The following CADPS2 variants were observed in gnomAD, a reference collection of about 807,000 sequenced individuals.
CADPS2 encodes the protein calcium-dependent secretion activator 2.
Under a neutral mutation model 172.5 loss-of-function variants are expected in CADPS2, and 93 were observed. The ratio of observed to expected loss-of-function variants is 0.54; its 90% CI spans 0.46 to 0.64. The LOEUF (loss-of-function observed/expected upper bound fraction) is 0.64, where lower values mean the gene tolerates loss of function less well. CADPS2 is among the 30% of genes least tolerant of loss of function. CADPS2 has a pLI of 0.00. For missense variants in CADPS2, 1,420 were observed against 1,565.9 expected (o/e 0.91, Z 1.57); for synonymous variants, 546 against 555.2 (o/e 0.98, Z 0.23).
intron 8 of CADPS2, among the ~76,000 whole-genome samples, chr7:122,532,289 T>G (rs977490776): frequency 3.3e-5 from 5 of 152,150 alleles, no homozygotes; most frequent in African/African-American, 1.2e-4. Context: ...AAAATTACCT[T>G]AAGTCTTCAG....
chr7:122,334,835 T>C (rs982054647), intron 28 of CADPS2, among the ~76,000 whole-genome samples: 1 of 152,212 alleles, frequency 6.6e-6, no homozygotes, highest in Non-Finnish European at 1.5e-5. Flanking sequence ...TAAAACATTT[T>C]ATGTGGAAAT....
intron 9 of CADPS2, among the ~76,000 whole-genome samples, chr7:122,502,831 G>A (rs1259236144): frequency 6.6e-6 from 1 of 151,812 alleles, no homozygotes; most frequent in Admixed American, 6.6e-5. Flanking sequence ...CTTTAAATAT[G>A]TTCAGCAATG....
chr7:122,388,820 A>G, intron 22 of CADPS2, 82 bp from the exon 23 acceptor site: 1 of 1,215,692 alleles, frequency 8.2e-7, no homozygotes, highest in Non-Finnish European at 1.1e-6. Flanking sequence ...TCTTTTCTGC[A>G]TCAATTGCCA....
chr7:122,348,339 C>T (rs1271682896), intron 27 of CADPS2, among the ~76,000 whole-genome samples: 4 of 152,124 alleles, frequency 2.6e-5, no homozygotes, highest in African/African-American at 4.8e-5. Flanking sequence ...TTATTTTCCA[C>T]CACCTGAAAC....
intron 1 of CADPS2, among the ~76,000 whole-genome samples, chr7:122,744,191 T>C (rs1365065875): frequency 6.6e-6 from 1 of 152,204 alleles, no homozygotes; most frequent in Non-Finnish European, 1.5e-5. Flanking sequence ...TCCTGCTGAA[T>C]GGAATTTGAT....
intron 1 of CADPS2, among the ~76,000 whole-genome samples, chr7:122,790,890 C>T (rs561966297): frequency 7.3e-4 from 111 of 152,276 alleles, no homozygotes; most frequent in African/African-American, 2.4e-3. Flanking sequence ...ATAGCCACCA[C>T]GTCTCAACAC....
chr7:122,639,975 C>A (rs1018487274), intron 3 of CADPS2, among the ~76,000 whole-genome samples: 2 of 152,112 alleles, frequency 1.3e-5, no homozygotes, highest in African/African-American at 4.8e-5. Context: ...TTTCCCATTG[C>A]CTACTCGAGT....
At position 122,702,432 on chromosome 7, in the gene CADPS2, G is replaced by A. The variant is rs752847373; in HGVS notation, c.453+34523C>T. The A allele has an allele frequency of 4.0e-5, 65 of 1,613,556 alleles. 1 individual carries two copies. Among genetic ancestry groups the A allele is most frequent in the African/African-American group, 8.0e-5 (6 of 74,854 alleles). ...TTATGTGTAAAAGTACAGCCTCCAC[G>A]TTCGATGAGGGCCAGCCATGAGTCT... On this transcript the variant is annotated intron_variant, in intron 2 of 29. Transcript: ENST00000449022.
chr7:122,431,643 A>G (rs1487192201), intron 17 of CADPS2, among the ~76,000 whole-genome samples: 1 of 152,182 alleles, frequency 6.6e-6, no homozygotes, highest in Non-Finnish European at 1.5e-5. Flanking sequence ...CACACTACAT[A>G]ACCTCTCAGG....
chr7:122,595,873 C>T (rs982464947), intron 6 of CADPS2, among the ~76,000 whole-genome samples: 1 of 152,000 alleles, frequency 6.6e-6, no homozygotes, highest in Non-Finnish European at 1.5e-5. Context: ...AAACACCAGG[C>T]ATTCAACAAA....
intron 1 of CADPS2, among the ~76,000 whole-genome samples, chr7:122,825,603 G>C (rs1017899195): frequency 1.3e-5 from 2 of 152,110 alleles, no homozygotes; most frequent in Non-Finnish European, 2.9e-5. Context: ...AAAGATTTTT[G>C]TGAATATATC....
chr7:122,678,925 C>A (rs1338482280), intron 2 of CADPS2, among the ~76,000 whole-genome samples: 1 of 152,118 alleles, frequency 6.6e-6, no homozygotes, highest in Admixed American at 6.5e-5. Context: ...CCAATCAATA[C>A]TCTTATAATT....
chr7:122,351,009 C>T (rs1421783304), intron 27 of CADPS2, among the ~76,000 whole-genome samples: 1 of 151,550 alleles, frequency 6.6e-6, no homozygotes, highest in African/African-American at 2.4e-5. Flanking sequence ...AAACAACGAA[C>T]AAGTCACAAA....
chr7:122,456,174 ATTTAC>A (rs1471439047), intron 14 of CADPS2, among the ~76,000 whole-genome samples: 2 of 151,988 alleles, frequency 1.3e-5, no homozygotes, highest in Non-Finnish European at 2.9e-5. Flanking sequence ...TAATAAAATA[ATTTAC>A]TTTAAATCTT....
rs867668559 is a variant in CADPS2, at chr7:122,698,560, G to A, written c.454-34991C>T. 6 of 1,613,946 alleles carry A rather than the reference G, an allele frequency of 3.7e-6. No homozygotes were observed. The African/African-American group carries it at 8.0e-5, about 22-fold the overall frequency. ...GATCACTCCACTGGCTCCCTTCTCA[G>A]TTGCCACTTTAATTTTCTGTGTGAA... is the stretch of plus-strand genomic sequence containing the variant. On this transcript the variant is annotated intron_variant, in intron 2 of 29. Transcript: ENST00000449022.
At chr7:122,398,401 T>C (rs904140742) in intron 20 of CADPS2, among the ~76,000 whole-genome samples, 1 of 152,094 alleles carries the variant, frequency 6.6e-6, no homozygotes, top group Admixed American at 6.5e-5. Flanking sequence ...CTAGCTTTAG[T>C]GGATTACTAG....
intron 27 of CADPS2, among the ~76,000 whole-genome samples, chr7:122,359,596 T>C (rs186467826): frequency 4.3e-4 from 66 of 152,282 alleles, no homozygotes; most frequent in African/African-American, 1.5e-3. Context: ...ATGTGATATA[T>C]ACAAGATTAT....
intron 1 of CADPS2, among the ~76,000 whole-genome samples, chr7:122,848,039 T>G (rs1812500069): frequency 6.6e-6 from 1 of 152,234 alleles, no homozygotes; most frequent in African/African-American, 2.4e-5. Flanking sequence ...CCTGATCTCA[T>G]TAGAACACTC....
chr7:122,432,980 A>T (rs1177292812), intron 17 of CADPS2, among the ~76,000 whole-genome samples: 1 of 151,924 alleles, frequency 6.6e-6, no homozygotes, highest in Non-Finnish European at 1.5e-5. Context: ...AATATATATA[A>T]TATATTTTTT....
Sources: allele counts gnomAD v4.1 joint callset (sites outside exome capture counted in the v4.1 genomes callset), GRCh38; gene constraint gnomAD v4.1.1; transcripts MANE v1.5; gene names NCBI Gene and HGNC (gene_info 2026-07-23, HGNC 2026-07-21).